Variants in DHX57 observed in about 807,000 individuals in gnomAD.
DHX57 encodes the protein putative ATP-dependent RNA helicase DHX57.
Under a neutral mutation model 156.2 loss-of-function variants are expected in DHX57, and 105 were observed. The ratio of observed to expected loss-of-function variants is 0.67; its 90% confidence interval spans 0.57 to 0.79. DHX57 has a LOEUF of 0.79. DHX57 is among the 30% of genes least tolerant of loss of function. The probability of loss-of-function intolerance (pLI) is 0.00; values close to 1 mark genes in which losing one functional copy is unlikely to be tolerated. For missense variants in DHX57, 1,847 were observed against 1,661.9 expected (o/e 1.11, Z -1.94); for synonymous variants, 704 against 595.6 (o/e 1.18, Z -2.65).
In DHX57 at chr2:38,809,943, G is replaced by C. The variant is rs1170142240; in HGVS notation, c.3682-3250C>G. 3.3e-5 allele frequency among the ~76,000 whole-genome samples: 5 copies of C among 151,628 alleles called. No individual in the cohort carries two copies. The East Asian group carries it at 9.8e-4, about 30-fold the overall frequency. ...GAGTCATGTTCTGTAGCCCAGGATG[G>C]AGTGCAATGATGCGATCTCTGCTCA... On this transcript the variant is annotated intron_variant, in intron 21 of 23. Transcript: ENST00000457308.
At position 38,868,323 on chromosome 2, in the gene DHX57, C is replaced by T. The variant is rs746891526; in HGVS notation, c.83G>A (p.Ser28Asn). The T allele has an allele frequency of 6.2e-7, 1 of 1,613,712 alleles. No individual in the cohort carries two copies. The highest frequency in any genetic ancestry group is 8.5e-7 in the Non-Finnish European group (1 of 1,179,864). ...ACTCCCATGAGATTTACTGGCGTGA[C>T]TCCTGCCTCCTCTTCCTCCTCTAGA... is the stretch of plus-strand genomic sequence containing the variant. ...GSSRGGRGGR[S>N]HASKSHGSGG... The change falls in exon 2 of 24, where the codon AGT (serine) becomes AAT (asparagine). Residue 28 changes from serine (S) to asparagine (N), a missense_variant. Coordinates refer to ENST00000457308, the MANE Select transcript of DHX57 (RefSeq NM_198963.3).
chr2:38,842,582 T>C (rs947986815), intron 12 of DHX57, among the ~76,000 whole-genome samples: 6 of 151,984 alleles, frequency 3.9e-5, no homozygotes, highest in African/African-American at 1.5e-4. Context: ...AAAAAATACA[T>C]GAACCCAGAG....
chr2:38,855,740 T>G (rs949210253), intron 7 of DHX57, among the ~76,000 whole-genome samples: 2 of 152,174 alleles, frequency 1.3e-5, no homozygotes, highest in African/African-American at 4.8e-5. Flanking sequence ...CTGCAATTTG[T>G]CCCTGCTAAA....
At chr2:38,853,822 T>C (rs113218642) in intron 9 of DHX57, 3 of 334,110 alleles carry the variant, frequency 9.0e-6, no homozygotes, top group African/African-American at 4.2e-5. Context: ...GAAGTATACC[T>C]TCTAACCTAA....
chr2:38,830,121 A>G (rs1465092942), intron 13 of DHX57, among the ~76,000 whole-genome samples: 1 of 152,168 alleles, frequency 6.6e-6, no homozygotes, highest in Admixed American at 6.5e-5. Context: ...GTGCAATGGG[A>G]TATAAAACAA....
Position 38,838,624 on chromosome 2 carries a change from C to T in DHX57, c.2426-677G>A, listed in dbSNP as rs549690738. 4.6e-5 allele frequency among the ~76,000 whole-genome samples: 7 copies of T among 152,254 alleles called. No individual in the cohort carries two copies. In the South Asian group the frequency reaches 8.3e-4, roughly 18 times the overall value. On this transcript the variant is annotated intron_variant, in intron 12 of 23. Transcript: ENST00000457308. Reference sequence around the variant, plus strand: ...TTTAGAAACTTCTTCTAGATTCAATCGAATCATGAATGAGATATGCTGGAA... The same window carrying T: ...TTTAGAAACTTCTTCTAGATTCAATTGAATCATGAATGAGATATGCTGGAA...
At chr2:38,829,088 C>T (rs1000800368) in intron 13 of DHX57, among the ~76,000 whole-genome samples, 1 of 151,902 alleles carries the variant, frequency 6.6e-6, no homozygotes, top group African/African-American at 2.4e-5. Flanking sequence ...ACTACAGGTA[C>T]ATGCCATCAC....
intron 1 of DHX57, among the ~76,000 whole-genome samples, chr2:38,873,221 C>T (rs1403356141): frequency 6.6e-5 from 10 of 152,136 alleles, no homozygotes; most frequent in African/African-American, 2.4e-4. Flanking sequence ...GAATTCCTGA[C>T]CTCAGGTGAT....
Position 38,862,253 on chromosome 2 carries a change from G to C in DHX57, c.464C>G (p.Pro155Arg). Reference sequence around the variant, plus strand: ...AGGATCCAAGTCGGGAACGAGGGAAGGTTCCTGTCCAGCTGGCCAGTACCG... The same window carrying C: ...AGGATCCAAGTCGGGAACGAGGGAACGTTCCTGTCCAGCTGGCCAGTACCG... Reference protein sequence around the residue: ...DERYWPAGQEPSLVPDLDPLE... With the variant: ...DERYWPAGQERSLVPDLDPLE... The change falls in exon 4 of 24, where the codon CCT becomes CGT. Residue 155 changes from proline to arginine, a missense_variant. Coordinates refer to ENST00000457308, the MANE Select transcript of DHX57 (RefSeq NM_198963.3). The C allele has an allele frequency of 6.2e-7, 1 of 1,613,904 alleles. No homozygotes were observed. Among genetic ancestry groups the C allele is most frequent in the Non-Finnish European group, 8.5e-7 (1 of 1,179,874 alleles).
chr2:38,831,236 G>A (rs1671363153), intron 13 of DHX57, among the ~76,000 whole-genome samples: 1 of 151,366 alleles, frequency 6.6e-6, no homozygotes, highest in African/African-American at 2.4e-5. Flanking sequence ...TATCTTTAAT[G>A]TTCACAGATA....
At chr2:38,835,411 G>C (rs998568850) in intron 13 of DHX57, among the ~76,000 whole-genome samples, 1 of 152,136 alleles carries the variant, frequency 6.6e-6, no homozygotes, top group African/African-American at 2.4e-5. Flanking sequence ...TACAAGAAAG[G>C]CTGGCCAATG....
At chr2:38,817,325 TA>T (rs1670597048) in intron 19 of DHX57, among the ~76,000 whole-genome samples, 1 of 152,188 alleles carries the variant, frequency 6.6e-6, no homozygotes, top group African/African-American at 2.4e-5. Flanking sequence ...TTTATTTATT[TA>T]TTTTTTGAGA....
chr2:38,861,584 A>G lies in DHX57; in HGVS notation c.826T>C (p.Leu276=). 6.2e-7 allele frequency: 1 copy of G among 1,614,154 alleles called. No homozygotes were observed. Among genetic ancestry groups the G allele is most frequent in the Non-Finnish European group, 8.5e-7 (1 of 1,180,030 alleles). ...RIQNRVWTIG[L]ELEYLTSRFR... ...CTACTTGTCAGATACTCCAGTTCTA[A>G]CCCAATGGTCCAGACTCTGTTCTGA... The change falls in exon 5 of 24, where the codon TTA becomes CTA. Residue 276 remains leucine, a synonymous_variant. Coordinates refer to ENST00000457308, the MANE Select transcript of DHX57 (RefSeq NM_198963.3).
chr2:38,862,284 C>T lies in DHX57; in HGVS notation c.433G>A (p.Asp145Asn), dbSNP rs778550993. Residue 145 changes from aspartate to asparagine, a missense_variant, in exon 4 of 24, where the codon GAT (aspartate) becomes AAT (asparagine). Asp to Asn is a conservative substitution (Grantham distance 23, BLOSUM62 1). Coordinates refer to ENST00000457308, the MANE Select transcript of DHX57 (RefSeq NM_198963.3). ...TGTCCAGCTGGCCAGTACCGCTCAT[C>T]GTTACAGCAATCAGGCTCATCATCT... ...EEDDEPDCCN[D>N]ERYWPAGQEP... 5.0e-6 allele frequency: 8 copies of T among 1,609,154 alleles called. No individual in the cohort carries two copies. The highest frequency in any genetic ancestry group is 3.3e-5 in the Admixed American group (2 of 59,834).
intron 12 of DHX57, among the ~76,000 whole-genome samples, chr2:38,841,114 T>A (rs1671969125): frequency 6.6e-6 from 1 of 152,218 alleles, no homozygotes; most frequent in African/African-American, 2.4e-5. Flanking sequence ...TGAGCCACCA[T>A]GCCCAACCTC....
At chr2:38,848,717 C>T (rs1476311832) in intron 9 of DHX57, among the ~76,000 whole-genome samples, 1 of 152,092 alleles carries the variant, frequency 6.6e-6, no homozygotes, top group Non-Finnish European at 1.5e-5. Context: ...ATTTATGTTT[C>T]ATATATACCT....
At position 38,810,591 on chromosome 2, in the gene DHX57, G is replaced by A. The variant is rs1670191789; in HGVS notation, c.3681+3230C>T. ...TGTAGAGAGACAGTGGGGGCTCCTG[G>A]CAGAGGATGTACACCTGGCCCTTGA... On this transcript the variant is annotated intron_variant, in intron 21 of 23. Coordinates refer to ENST00000457308, the MANE Select transcript of DHX57 (RefSeq NM_198963.3). The A allele has an allele frequency of 1.0e-5, 6 of 600,030 alleles. No individual in the cohort carries two copies. In the Admixed American group the frequency reaches 1.2e-4, roughly 12 times the overall value. 37.2% of individuals were successfully genotyped at this position (600,030 alleles called of 1,614,324 possible).
intron 3 of DHX57, 172 bp from the exon 4 acceptor site, chr2:38,862,505 A>C: frequency 1.8e-6 from 1 of 565,084 alleles, no homozygotes. Context: ...TTTACCAGGC[A>C]TTTATTAAAT....
At chr2:38,855,322 T>C (rs753087359) in intron 7 of DHX57, 70 bp from the exon 8 acceptor site, 10 of 1,474,802 alleles carry the variant, frequency 6.8e-6, no homozygotes, top group Non-Finnish European at 5.7e-6. Context: ...AGCAATCATA[T>C]GGAATGAGAA....
Sources: gnomAD v4.1 joint callset for allele counts (sites outside exome capture counted in the v4.1 genomes callset) on GRCh38, gnomAD v4.1.1 for gene constraint, MANE v1.5 for transcripts, NCBI Gene and HGNC (gene_info 2026-07-23, HGNC 2026-07-21) for gene names.